Variants in POU3F2 observed in about 807,000 individuals in gnomAD.
The protein encoded by POU3F2 is POU class 3 homeobox 2.
Under a neutral mutation model 33.1 loss-of-function variants are expected in POU3F2, and 11 were observed. That is an observed-to-expected ratio of 0.33 (90% CI 0.21 to 0.55). The LOEUF is 0.55. POU3F2 is among the 20% of genes least tolerant of loss of function. POU3F2 has a pLI of 0.91. For missense variants in POU3F2, 456 were observed against 620.2 expected (o/e 0.74, Z 2.81); for synonymous variants, 332 against 289.6 (o/e 1.15, Z -1.49).
chr6:98,834,637 A>C lies in POU3F2; in HGVS notation c.-237A>C. The C allele has an allele frequency of 1.8e-6, 1 of 552,106 alleles. No individual in the cohort carries two copies. Among genetic ancestry groups the C allele is most frequent in the Non-Finnish European group, 3.2e-6 (1 of 309,748 alleles). 34.2% of individuals were successfully genotyped at this position (552,106 alleles called of 1,614,324 possible). On this transcript the variant is annotated 5_prime_UTR_variant, in exon 1 of 1. Transcript: ENST00000328345. ...GCTAGTCAGAGAGTGAGCGAGAGCGAGAAGGAGGGAGAGGAGGAGAAAGAG... is the reference window on the plus strand; with the variant it reads ...GCTAGTCAGAGAGTGAGCGAGAGCGCGAAGGAGGGAGAGGAGGAGAAAGAG...
Position 98,835,186 on chromosome 6 carries a change from C to T in POU3F2, c.313C>T (p.Pro105Ser). The T allele has an allele frequency of 1.3e-6, 2 of 1,499,176 alleles. No individual in the cohort carries two copies. The highest frequency in any genetic ancestry group is 1.8e-6 in the Non-Finnish European group (2 of 1,128,144). The allele number at this position is 1,499,176 out of a possible 1,614,324, so 92.9% of individuals were successfully genotyped here. A position where few individuals can be genotyped will look rare whatever the true frequency, so the allele number is the denominator to read the frequency against. ...TSPLGQPDIK[P>S]SVVVQQGGRG... ...CCCCCTGGGCCAGCCGGACATCAAG[C>T]CCTCGGTGGTGGTGCAGCAGGGCGG... is the stretch of plus-strand genomic sequence containing the variant. The change falls in exon 1 of 1, where the codon CCC becomes TCC. Residue 105 changes from proline (P) to serine (S), a missense_variant. Pro to Ser is a moderately conservative substitution (Grantham distance 74, BLOSUM62 -1). This residue lies in a region of POU3F2 where 341 missense variants were observed against 382.4 expected (regional missense o/e 0.89). Coordinates refer to ENST00000328345, the MANE Select transcript of POU3F2 (RefSeq NM_005604.4). This position sits in a 1 kb window ranked among gnomAD's most constrained non-coding sequence, Gnocchi z 9.7.
rs3823036 is a variant in POU3F2 at position 98,836,656 on chromosome 6, T to C, written c.*451T>C. 0.31 allele frequency: 53,087 copies of C among 168,906 alleles called. 9,296 individuals carry two copies. Among genetic ancestry groups the C allele is most frequent in the East Asian group, 0.7 (3,668 of 5,206 alleles). The allele number at this position is 168,906 out of a possible 1,614,324, so 10.5% of individuals were successfully genotyped here. ...CACATGCTGCTGTGTTTATTTATTG[T>C]GGATTCCCATCAGGAAAGAGGAAAA... On this transcript the variant is annotated 3_prime_UTR_variant, in exon 1 of 1. Coordinates refer to ENST00000328345, the MANE Select transcript of POU3F2 (RefSeq NM_005604.4).
rs957579264 is a variant in POU3F2, at chr6:98,835,263, GCAGCAA to G, written c.402_407del (p.Gln148_Gln149del). ...GCGCCCTGCAGCAGCAGCATCAGCA[GCAGCAA>G]CAGCAACAGCAGCAGCAACAGCAGC... On this transcript the variant is annotated inframe_deletion, in exon 1 of 1. Transcript: ENST00000328345. This position sits in a 1 kb window ranked among gnomAD's most constrained non-coding sequence, Gnocchi z 9.7. 38 of 1,544,192 alleles carry G rather than the reference GCAGCAA, an allele frequency of 2.5e-5. No individual in the cohort carries two copies. Among genetic ancestry groups the G allele is most frequent in the Admixed American group, 1.4e-4 (7 of 50,714 alleles).
chr6:98,835,240 G>C lies in POU3F2; in HGVS notation c.367G>C (p.Ala123Pro). The change falls in exon 1 of 1, where the codon GCC becomes CCC. Residue 123 changes from alanine (A) to proline (P), a missense_variant. Physicochemically the swap from Ala to Pro is conservative, Grantham distance 27 (BLOSUM62 -1). Transcript: ENST00000328345. The surrounding 1 kb of genome is among the most constrained non-coding windows in gnomAD (Gnocchi z 9.7). ...GRGDELHGPG[A>P]LQQQHQQQQQ... ...CGGAGACGAGCTGCACGGGCCAGGC[G>C]CCCTGCAGCAGCAGCATCAGCAGCA... is the stretch of plus-strand genomic sequence containing the variant. 1 of 1,538,970 alleles carries C rather than the reference G, an allele frequency of 6.5e-7. No homozygotes were observed. Among genetic ancestry groups the C allele is most frequent in the South Asian group, 1.2e-5 (1 of 83,210 alleles).
chr6:98,834,883 G>A lies in POU3F2; in HGVS notation c.10G>A (p.Ala4Thr), dbSNP rs201781902. The A allele has an allele frequency of 2.8e-4, 445 of 1,598,506 alleles. 1 individual carries two copies. The South Asian group carries it at 4.5e-3, about 16-fold the overall frequency. Residue 4 changes from alanine (A) to threonine (T), a missense_variant, in exon 1 of 1, where the codon GCA becomes ACA. Physicochemically the swap from Ala to Thr is moderately conservative, Grantham distance 58. This residue lies in a region of POU3F2 where 341 missense variants were observed against 382.4 expected (regional missense o/e 0.89). Transcript: ENST00000328345. ...TCCGGCTCCGAGAGTCATGGCGACC[G>A]CAGCGTCTAACCACTACAGCCTGCT... The part of the protein sequence containing the change: MAT[A>T]ASNHYSLLTS...
chr6:98,838,026 G>A lies in POU3F2; in HGVS notation c.*1821G>A, dbSNP rs1381389547. On this transcript the variant is annotated 3_prime_UTR_variant, in exon 1 of 1. Coordinates refer to ENST00000328345, the MANE Select transcript of POU3F2 (RefSeq NM_005604.4). ...AAAATTATGGTTCAGCATCAGATTAGCATTGCACTCAGTAGTCTTTAAGGT... is the reference window on the plus strand; with the variant it reads ...AAAATTATGGTTCAGCATCAGATTAACATTGCACTCAGTAGTCTTTAAGGT... 1.2e-5 allele frequency: 2 copies of A among 166,910 alleles called. No homozygotes were observed. Among genetic ancestry groups the A allele is most frequent in the Admixed American group, 6.5e-5 (1 of 15,276 alleles). The allele number at this position is 166,910 out of a possible 1,614,324, so 10.3% of individuals were successfully genotyped here.
Position 98,834,953 on chromosome 6 carries a change from T to C in POU3F2, c.80T>C (p.Met27Thr). Residue 27 changes from methionine (M) to threonine (T), a missense_variant, in exon 1 of 1, where the codon ATG (methionine) becomes ACG (threonine). Met to Thr is a moderately conservative substitution (Grantham distance 81). Transcript: ENST00000328345. ...SIVHAEPPGGMQQGAGGYREA... is the reference protein window; with the variant it reads ...SIVHAEPPGGTQQGAGGYREA... Reference sequence around the variant, plus strand: ...GTGCACGCCGAGCCGCCCGGCGGCATGCAGCAGGGCGCGGGGGGCTACCGC... The same window carrying C: ...GTGCACGCCGAGCCGCCCGGCGGCACGCAGCAGGGCGCGGGGGGCTACCGC... 6.3e-7 allele frequency: 1 copy of C among 1,598,334 alleles called. No individual in the cohort carries two copies. Among genetic ancestry groups the C allele is most frequent in the South Asian group, 1.1e-5 (1 of 90,904 alleles).
In POU3F2 at chr6:98,835,656, C is replaced by G; in HGVS notation, c.783C>G (p.Asp261Glu). 6.2e-7 allele frequency: 1 copy of G among 1,613,322 alleles called. No homozygotes were observed. The highest frequency in any genetic ancestry group is 8.5e-7 in the Non-Finnish European group (1 of 1,179,912). The change falls in exon 1 of 1, where the codon GAC (aspartate) becomes GAG (glutamate). Residue 261 changes from aspartate (D) to glutamate (E), a missense_variant. This residue lies in a region of POU3F2 where 19 missense variants were observed against 49.1 expected (regional missense o/e 0.39). Coordinates refer to ENST00000328345, the MANE Select transcript of POU3F2 (RefSeq NM_005604.4). This position sits in a 1 kb window ranked among gnomAD's most constrained non-coding sequence, Gnocchi z 9.7. The stretch of plus-strand genomic sequence containing the variant: ...GCGCGCACCACGACCCGCACTCGGA[C>G]GAGGACACGCCGACCTCGGACGACC... ...HPGAHHDPHS[D>E]EDTPTSDDLE...
Position 98,836,243 on chromosome 6 carries a change from C to G in POU3F2, c.*38C>G, listed in dbSNP as rs556732734. ...GGAGGGGCAGAGCGCGGGGCTCCCCCTCCCCTTCGGTCCTTGGCCCTTTCC... is the reference window on the plus strand; with the variant it reads ...GGAGGGGCAGAGCGCGGGGCTCCCCGTCCCCTTCGGTCCTTGGCCCTTTCC... On this transcript the variant is annotated 3_prime_UTR_variant, in exon 1 of 1. Coordinates refer to ENST00000328345, the MANE Select transcript of POU3F2 (RefSeq NM_005604.4). 3.2e-6 allele frequency: 5 copies of G among 1,543,140 alleles called. No homozygotes were observed. Among genetic ancestry groups the G allele is most frequent in the Non-Finnish European group, 4.3e-6 (5 of 1,154,314 alleles).
Position 98,835,022 on chromosome 6 carries a change from G to C in POU3F2, c.149G>C (p.Ser50Thr). 1 of 1,559,572 alleles carries C rather than the reference G, an allele frequency of 6.4e-7. No individual in the cohort carries two copies. Among genetic ancestry groups the C allele is most frequent in the Non-Finnish European group, 8.6e-7 (1 of 1,159,212 alleles). The change falls in exon 1 of 1, where the codon AGC (serine) becomes ACC (threonine). Residue 50 changes from serine to threonine, a missense_variant. Ser to Thr is a moderately conservative substitution (Grantham distance 58). Transcript: ENST00000328345. This position sits in a 1 kb window ranked among gnomAD's most constrained non-coding sequence, Gnocchi z 9.7. ...CAGGGCGACTACGGCGCTCTGCAGA[G>C]CAACGGACACCCGCTCAGCCACGCT... ...LVQGDYGALQ[S>T]NGHPLSHAHQ... is the part of the protein sequence containing the mutation.
In POU3F2 at chr6:98,834,744, G is replaced by T. The variant is rs1370836805; in HGVS notation, c.-130G>T. The T allele has an allele frequency of 1.9e-6, 2 of 1,050,286 alleles. No homozygotes were observed. Among genetic ancestry groups the T allele is most frequent in the African/African-American group, 3.3e-5 (2 of 59,970 alleles). The allele number at this position is 1,050,286 out of a possible 1,614,324, so 65.1% of individuals were successfully genotyped here. On this transcript the variant is annotated 5_prime_UTR_variant, in exon 1 of 1. Transcript: ENST00000328345. ...AGCAACAGAAGGCGTCGGAGCGGGC[G>T]TCGGAGCTGCCCGCTGTGGGAGAGA... is the stretch of plus-strand genomic sequence containing the variant.
In POU3F2 at chr6:98,835,107, GGGGGGC is replaced by G; in HGVS notation, c.243_248del (p.Gly87_Gly88del). The G allele has an allele frequency of 8.3e-7, 1 of 1,210,282 alleles. No homozygotes were observed. The highest frequency in any genetic ancestry group is 1.0e-6 in the Non-Finnish European group (1 of 975,164). The allele number at this position is 1,210,282 out of a possible 1,614,324, so 75.0% of individuals were successfully genotyped here. On this transcript the variant is annotated inframe_deletion, in exon 1 of 1. Transcript: ENST00000328345. This position sits in a 1 kb window ranked among gnomAD's most constrained non-coding sequence, Gnocchi z 9.7. ...GCGGCGGGGGCGGTGGCGGCGGCGG[GGGGGGC>G]GGGGGCGGCGGCGGGGGCGGCGGCG...
At position 98,836,286 on chromosome 6, in the gene POU3F2, C is replaced by A; in HGVS notation, c.*81C>A. On this transcript the variant is annotated 3_prime_UTR_variant, in exon 1 of 1. Coordinates refer to ENST00000328345, the MANE Select transcript of POU3F2 (RefSeq NM_005604.4). ...CCCTTTCCCGGCCCTCTTGTTCCCTCTCTAACTTCTGATTGTTCTTTTATT... is the reference window on the plus strand; with the variant it reads ...CCCTTTCCCGGCCCTCTTGTTCCCTATCTAACTTCTGATTGTTCTTTTATT... 1 of 1,401,690 alleles carries A rather than the reference C, an allele frequency of 7.1e-7. No homozygotes were observed. Among genetic ancestry groups the A allele is most frequent in the Non-Finnish European group, 9.5e-7 (1 of 1,058,090 alleles). 86.8% of individuals were successfully genotyped at this position (1,401,690 alleles called of 1,614,324 possible).
Position 98,839,254 on chromosome 6 carries a change from G to A in POU3F2, c.*3049G>A, listed in dbSNP as rs572187565. The A allele has an allele frequency of 4.6e-5, 7 of 152,246 alleles. No homozygotes were observed. Among genetic ancestry groups the A allele is most frequent in the Non-Finnish European group, 7.4e-5 (5 of 68,006 alleles). 9.4% of individuals were successfully genotyped at this position (152,246 alleles called of 1,614,324 possible). On this transcript the variant is annotated 3_prime_UTR_variant, in exon 1 of 1. Coordinates refer to ENST00000328345, the MANE Select transcript of POU3F2 (RefSeq NM_005604.4). ...TTTTGGAGAACATCAGTGGAACTAG[G>A]TGGACTTTGATCTCTACCCATAGGT...
chr6:98,835,361 C>A lies in POU3F2; in HGVS notation c.488C>A (p.Pro163Gln), dbSNP rs1454493451. 5.1e-6 allele frequency: 8 copies of A among 1,555,324 alleles called. No homozygotes were observed. Among genetic ancestry groups the A allele is most frequent in the Non-Finnish European group, 6.9e-6 (8 of 1,151,642 alleles). ...HLVHHAANHH[P>Q]GPGAWRSAAA... ...GTGCACCACGCCGCTAACCACCACC[C>A]GGGACCCGGGGCATGGCGGAGCGCG... Residue 163 changes from proline (P) to glutamine (Q), a missense_variant, in exon 1 of 1, where the codon CCG becomes CAG. Physicochemically the swap from Pro to Gln is moderately conservative, Grantham distance 76 (BLOSUM62 -1). Around this residue, in one of 6 missense-constraint regions of POU3F2, gnomAD observed 341 missense variants for 382.4 expected, o/e 0.89. Coordinates refer to ENST00000328345, the MANE Select transcript of POU3F2 (RefSeq NM_005604.4). The surrounding 1 kb of genome is among the most constrained non-coding windows in gnomAD (Gnocchi z 9.7).
chr6:98,836,352 A>G lies in POU3F2; in HGVS notation c.*147A>G. ...CCCGTCCCTTAAAAAGACAAAAAAA[A>G]TAAGGCAAAAGGAAAGCAACTAAGA... On this transcript the variant is annotated 3_prime_UTR_variant, in exon 1 of 1. Transcript: ENST00000328345. The G allele has an allele frequency of 9.0e-7, 1 of 1,105,650 alleles. No homozygotes were observed. Among genetic ancestry groups the G allele is most frequent in the Non-Finnish European group, 1.2e-6 (1 of 807,830 alleles). 68.5% of individuals were successfully genotyped at this position (1,105,650 alleles called of 1,614,324 possible).
Position 98,836,150 on chromosome 6 carries a change from AC to A in POU3F2, c.1278del (p.Tyr426Ter). Reference sequence around the variant, plus strand: ...ACTCTGCCGGGCGCCGAGGATGTGTACGGGGGGAGTAGGGACACTCCACCAC... The same window carrying A: ...ACTCTGCCGGGCGCCGAGGATGTGTAGGGGGGAGTAGGGACACTCCACCAC... The part of the protein sequence containing the change: ...GGTLPGAEDV[Y>X]GGSRDTPPHH... On this transcript the variant is annotated frameshift_variant, in exon 1 of 1. Transcript: ENST00000328345. LOFTEE classifies it high-confidence loss of function. The A allele has an allele frequency of 6.2e-7, 1 of 1,603,802 alleles. No homozygotes were observed. The highest frequency in any genetic ancestry group is 2.2e-5 in the East Asian group (1 of 44,812).
rs1770008876 is a variant in POU3F2 at position 98,837,061 on chromosome 6, C to G, written c.*856C>G. ...AATGTGCATGGTCTACCCGCTTTAT[C>G]GAAGGCAAGAATCCGGTTTGGAATA... On this transcript the variant is annotated 3_prime_UTR_variant, in exon 1 of 1. Coordinates refer to ENST00000328345, the MANE Select transcript of POU3F2 (RefSeq NM_005604.4). 1 of 167,026 alleles carries G rather than the reference C, an allele frequency of 6.0e-6. No individual in the cohort carries two copies. The highest frequency in any genetic ancestry group is 6.6e-5 in the Admixed American group (1 of 15,266). The allele number at this position is 167,026 out of a possible 1,614,324, so 10.3% of individuals were successfully genotyped here. A position where few individuals can be genotyped will look rare whatever the true frequency, so the allele number is the denominator to read the frequency against.
Position 98,835,116 on chromosome 6 carries a change from G to T in POU3F2, c.243G>T (p.Gly81=), listed in dbSNP as rs1013947610. The stretch of plus-strand genomic sequence containing the variant: ...GCGGTGGCGGCGGCGGGGGGGGCGG[G>T]GGCGGCGGCGGGGGCGGCGGCGACG... ...GGGGGGGGGG[G]GGGGGGGDGS... The change falls in exon 1 of 1, where the codon GGG becomes GGT. Residue 81 remains glycine, a synonymous_variant. Transcript: ENST00000328345. The surrounding 1 kb of genome is among the most constrained non-coding windows in gnomAD (Gnocchi z 9.7). 71 of 1,208,786 alleles carry T rather than the reference G, an allele frequency of 5.9e-5. 1 individual carries two copies. In the Middle Eastern group the frequency reaches 1.3e-3, roughly 22 times the overall value. The allele number at this position is 1,208,786 out of a possible 1,614,324, so 74.9% of individuals were successfully genotyped here. A position where few individuals can be genotyped will look rare whatever the true frequency, so the allele number is the denominator to read the frequency against.
Sources: allele counts gnomAD v4.1 joint callset, GRCh38; gene constraint gnomAD v4.1.1; regional missense constraint gnomAD v4.1.1; non-coding constraint Gnocchi (gnomAD v3.1); transcripts MANE v1.5; gene names NCBI Gene and HGNC (gene_info 2026-07-23, HGNC 2026-07-21).